Variants in GK5 observed in about 807,000 individuals in gnomAD.
GK5 encodes the protein ATP:glycerol 3-phosphotransferase 5.
GK5 carries 39 observed loss-of-function variants against 77.3 expected under a neutral mutation model. The observed-to-expected ratio is 0.50, with a 90% CI of 0.39 to 0.66. GK5 has a LOEUF of 0.66. Among genes scored for constraint, GK5 ranks in the 30% least tolerant of loss-of-function variants. The pLI is 0.00. For synonymous variants in GK5, 211 were observed against 208.0 expected, an observed-to-expected ratio of 1.01 and a Z score of -0.13; for missense variants, 487 against 633.8, an observed-to-expected ratio of 0.77 and a Z score of 2.49.
At chr3:142,189,645 T>G (rs2063821309) in intron 5 of GK5, among the ~76,000 whole-genome samples, 1 of 151,976 alleles carries the variant, frequency 6.6e-6, no homozygotes, top group East Asian at 1.9e-4. Flanking sequence ...TGACACAGAG[T>G]AGACATCAGG....
rs1266654728 is a variant in GK5, at chr3:142,186,111, A to G, written c.755+83T>C. On this transcript the variant is annotated intron_variant, in intron 8 of 15. Coordinates refer to ENST00000392993, the MANE Select transcript of GK5 (RefSeq NM_001039547.3). ...TAATGAACATACAAGTCCTTCAAAC[A>G]TGTAATAAAATGCTTTTCCCCACGA... 8 of 1,155,356 alleles carry G rather than the reference A, an allele frequency of 6.9e-6. No individual in the cohort carries two copies. The Admixed American group carries it at 1.5e-4, about 21-fold the overall frequency. 71.6% of individuals were successfully genotyped at this position (1,155,356 alleles called of 1,614,324 possible). A position where few individuals can be genotyped will look rare whatever the true frequency, so the allele number is the denominator to read the frequency against.
chr3:142,182,979 C>G lies in GK5; in HGVS notation c.887G>C (p.Gly296Ala), dbSNP rs766584654. The change falls in exon 10 of 16, where the codon GGA becomes GCA. Residue 296 changes from glycine (G) to alanine (A), a missense_variant. Gly to Ala is a moderately conservative substitution (Grantham distance 60). Transcript: ENST00000392993. Reference protein sequence around the residue: ...FQTGDVKLTMGTGTFLDINTG... With the variant: ...FQTGDVKLTMATGTFLDINTG... ...GTTAATATCCAAAAATGTCCCAGTT[C>G]CCATGGTTAATTTCACATCACCTGT... is the stretch of plus-strand genomic sequence containing the variant. 1 of 1,612,958 alleles carries G rather than the reference C, an allele frequency of 6.2e-7. No homozygotes were observed. The highest frequency in any genetic ancestry group is 2.2e-5 in the East Asian group (1 of 44,854).
At chr3:142,200,071 C>T (rs2063994620) in intron 4 of GK5, among the ~76,000 whole-genome samples, 1 of 151,596 alleles carries the variant, frequency 6.6e-6, no homozygotes, top group Admixed American at 6.6e-5. Flanking sequence ...ATTCAGTGCT[C>T]ACACCTTCTT....
At chr3:142,202,159 G>A (rs2064034822) in intron 4 of GK5, among the ~76,000 whole-genome samples, 1 of 152,202 alleles carries the variant, frequency 6.6e-6, no homozygotes, top group Non-Finnish European at 1.5e-5. Flanking sequence ...AGAGGTCTAG[G>A]AGGTGGTCAG....
At chr3:142,170,543 C>T (rs1324364230) in intron 14 of GK5, 85 bp from the exon 15 acceptor site, 2 of 1,143,512 alleles carry the variant, frequency 1.7e-6, no homozygotes, top group African/African-American at 1.6e-5. Flanking sequence ...TCCTGAAATC[C>T]TTGATTTTAT....
chr3:142,169,940 T>A (rs1039138710), intron 15 of GK5, among the ~76,000 whole-genome samples: 2 of 152,220 alleles, frequency 1.3e-5, no homozygotes, highest in African/African-American at 4.8e-5. Context: ...CCCAAAGTGC[T>A]GGGATTACAG....
At chr3:142,175,942 A>C (rs993548921) in intron 12 of GK5, among the ~76,000 whole-genome samples, 1 of 151,448 alleles carries the variant, frequency 6.6e-6, no homozygotes, top group African/African-American at 2.4e-5. Context: ...TAAGTCCTGT[A>C]GCACATTTTT....
rs1439763907 is a variant in GK5 at position 142,164,463 on chromosome 3, G to A, written c.*1159C>T. 2.0e-5 allele frequency: 3 copies of A among 152,182 alleles called. No homozygotes were observed. The South Asian group carries it at 6.2e-4, about 31-fold the overall frequency. The allele number at this position is 152,182 out of a possible 1,614,324, so 9.4% of individuals were successfully genotyped here. A position where few individuals can be genotyped will look rare whatever the true frequency, so the allele number is the denominator to read the frequency against. On this transcript the variant is annotated 3_prime_UTR_variant, in exon 16 of 16. Transcript: ENST00000392993. The stretch of plus-strand genomic sequence containing the variant: ...CTACATCCAGCTTGACACTACTCAC[G>A]ACTTACTCCTCCTCACTGTTTCTTC...
chr3:142,167,408 G>T (rs888165196), intron 15 of GK5, among the ~76,000 whole-genome samples: 1 of 151,704 alleles, frequency 6.6e-6, no homozygotes, highest in Admixed American at 6.6e-5. Flanking sequence ...AATAAATAAA[G>T]GTATTAATGT....
At chr3:142,201,955 T>A (rs1468630740) in intron 4 of GK5, among the ~76,000 whole-genome samples, 1 of 152,056 alleles carries the variant, frequency 6.6e-6, no homozygotes, top group Non-Finnish European at 1.5e-5. Flanking sequence ...TTCCTTTAAG[T>A]AGGGTGGCAG....
At chr3:142,197,841 G>A (rs1025063941) in intron 5 of GK5, among the ~76,000 whole-genome samples, 6 of 152,020 alleles carry the variant, frequency 3.9e-5, no homozygotes, top group African/African-American at 1.5e-4. Flanking sequence ...TGGACAACAT[G>A]GTGAAACCCC....
intron 1 of GK5, among the ~76,000 whole-genome samples, chr3:142,224,143 G>A (rs1021613259): frequency 6.6e-6 from 1 of 152,134 alleles, no homozygotes; most frequent in African/African-American, 2.4e-5. Flanking sequence ...AGTGGCTCAC[G>A]CCTGTAATCT....
At chr3:142,198,957 A>G (rs1428899907) in intron 4 of GK5, 24 bp from the exon 5 acceptor site, 1 of 1,569,628 alleles carries the variant, frequency 6.4e-7, no homozygotes, top group Non-Finnish European at 8.7e-7. Flanking sequence ...AACATATTTT[A>G]GGAAAATGCA....
rs183886050 is a variant in GK5, at chr3:142,204,597, A to G, written c.411+98T>C. The G allele has an allele frequency of 8.8e-5, 70 of 794,164 alleles. No individual in the cohort carries two copies. The East Asian group carries it at 1.3e-3, about 14-fold the overall frequency. The allele number at this position is 794,164 out of a possible 1,614,324, so 49.2% of individuals were successfully genotyped here. On this transcript the variant is annotated intron_variant, in intron 4 of 15. Coordinates refer to ENST00000392993, the MANE Select transcript of GK5 (RefSeq NM_001039547.3). ...GGGGAGTGTGTGCGTATGTCTTCTT[A>G]ATGTCCTAAAACAAAATAGGTAGGA...
chr3:142,202,602 G>A (rs973944969), intron 4 of GK5, among the ~76,000 whole-genome samples: 4 of 152,214 alleles, frequency 2.6e-5, no homozygotes, highest in African/African-American at 9.6e-5. Flanking sequence ...TCAATATCAA[G>A]TAGACAAAAG....
intron 11 of GK5, 70 bp downstream of exon 11, chr3:142,181,391 A>G (rs2063695440): frequency 2.5e-6 from 2 of 809,862 alleles, no homozygotes; most frequent in Non-Finnish European, 4.0e-6. Context: ...CTTCCTACTA[A>G]TCTGCAATCC....
At chr3:142,185,770 C>A in intron 9 of GK5, 159 bp downstream of exon 9, 1 of 1,557,166 alleles carries the variant, frequency 6.4e-7, no homozygotes, top group East Asian at 2.3e-5. Flanking sequence ...AGCAGATATT[C>A]TGGTCATATC....
At chr3:142,187,908 G>A (rs1365214152) in intron 5 of GK5, 129 bp from the exon 6 acceptor site, 4 of 647,224 alleles carry the variant, frequency 6.2e-6, no homozygotes, top group Non-Finnish European at 1.1e-5. Flanking sequence ...AACATTTCTA[G>A]AATATATTCC....
chr3:142,204,339 T>C (rs2064070851), intron 4 of GK5: 1 of 328,258 alleles, frequency 3.0e-6, no homozygotes, highest in African/African-American at 2.2e-5. Flanking sequence ...TCTAACAGTC[T>C]GCTAGTTATC....
Sources: allele counts gnomAD v4.1 joint callset (sites outside exome capture counted in the v4.1 genomes callset), GRCh38; gene constraint gnomAD v4.1.1; transcripts MANE v1.5; gene names NCBI Gene and HGNC (gene_info 2026-07-23, HGNC 2026-07-21).